The following PLCB1 variants were observed in gnomAD, a reference collection of about 807,000 sequenced individuals.
PLCB1 encodes 1-phosphatidylinositol 4,5-bisphosphate phosphodiesterase beta-1.
A neutral mutation model predicts 161.8 loss-of-function variants in PLCB1; 46 were observed. The ratio of observed to expected loss-of-function variants is 0.28; its 90% CI spans 0.22 to 0.36. The LOEUF (loss-of-function observed/expected upper bound fraction) is 0.36. Ranked by LOEUF, PLCB1 falls within the 10% of genes least tolerant of loss-of-function variation. The pLI is 1.00. For missense variants in PLCB1, 1,016 were observed against 1,472.5 expected (o/e 0.69, Z 5.07); for synonymous variants, 517 against 503.7 (o/e 1.03, Z -0.35).
In PLCB1 at chr20:8,882,129, C is replaced by T. The variant is rs1488474829; in HGVS notation, c.*280C>T. ...ATTCAAAGCAAGCAACTTGCAGGCT[C>T]CATGGAACTTTTAATGAAGGACAGT... On this transcript the variant is annotated 3_prime_UTR_variant, in exon 32 of 32. Transcript: ENST00000338037. The T allele has an allele frequency of 2.0e-5, 7 of 347,800 alleles. No homozygotes were observed. The highest frequency in any genetic ancestry group is 3.2e-5 in the Non-Finnish European group (6 of 190,406). The allele number at this position is 347,800 out of a possible 1,614,324, so 21.5% of individuals were successfully genotyped here. A position where few individuals can be genotyped will look rare whatever the true frequency, so the allele number is the denominator to read the frequency against.
intron 2 of PLCB1, among the ~76,000 whole-genome samples, chr20:8,269,541 C>T (rs181090793): frequency 1.5e-3 from 232 of 152,142 alleles, no homozygotes; most frequent in African/African-American, 4.9e-3. Flanking sequence ...TTTAGAAACC[C>T]GATGCAACTA....
chr20:8,502,204 C>A (rs1249527872), intron 3 of PLCB1, among the ~76,000 whole-genome samples: 1 of 151,892 alleles, frequency 6.6e-6, no homozygotes, highest in African/African-American at 2.4e-5. Context: ...TGGGACAGCT[C>A]TAAATACAGT....
intron 2 of PLCB1, among the ~76,000 whole-genome samples, chr20:8,265,024 A>C (rs1352535752): frequency 6.6e-6 from 1 of 152,158 alleles, no homozygotes; most frequent in Non-Finnish European, 1.5e-5. Flanking sequence ...CCTCAAAAGG[A>C]AATTACTCGT....
intron 3 of PLCB1, among the ~76,000 whole-genome samples, chr20:8,544,959 G>C (rs1042219057): frequency 6.6e-6 from 1 of 152,092 alleles, no homozygotes; most frequent in African/African-American, 2.4e-5. Flanking sequence ...ATTTTTTTGA[G>C]CATCTGCTAC....
intron 2 of PLCB1, among the ~76,000 whole-genome samples, chr20:8,196,563 T>C (rs2052025698): frequency 6.6e-6 from 1 of 151,788 alleles, no homozygotes; most frequent in South Asian, 2.1e-4. Context: ...TGTGCTGCAG[T>C]GCGTTTATAG....
chr20:8,854,983 TA>T (rs1987021577), intron 31 of PLCB1, among the ~76,000 whole-genome samples: 1 of 152,234 alleles, frequency 6.6e-6, no homozygotes, highest in Admixed American at 6.5e-5. Context: ...AGGAAAAGTT[TA>T]AATAACATAA....
intron 3 of PLCB1, among the ~76,000 whole-genome samples, chr20:8,463,746 T>A (rs1354866527): frequency 3.3e-5 from 5 of 152,202 alleles, no homozygotes; most frequent in Non-Finnish European, 7.4e-5. Flanking sequence ...TCAAAATCTT[T>A]ATGATTCTCT....
intron 2 of PLCB1, among the ~76,000 whole-genome samples, chr20:8,237,139 A>G (rs1197494097): frequency 6.6e-6 from 1 of 152,090 alleles, no homozygotes; most frequent in Non-Finnish European, 1.5e-5. Context: ...GGAAATTATA[A>G]TGAAAGTAGG....
chr20:8,510,114 G>A (rs1983818467), intron 3 of PLCB1, among the ~76,000 whole-genome samples: 1 of 152,124 alleles, frequency 6.6e-6, no homozygotes, highest in African/African-American at 2.4e-5. Flanking sequence ...GGGACAAAAA[G>A]CCTGAGAAGA....
At chr20:8,640,374 A>T (rs1403111432) in intron 4 of PLCB1, among the ~76,000 whole-genome samples, 1 of 152,144 alleles carries the variant, frequency 6.6e-6, no homozygotes, top group African/African-American at 2.4e-5. Flanking sequence ...TTCTTTTAAA[A>T]TCCTTTTTTA....
intron 2 of PLCB1, among the ~76,000 whole-genome samples, chr20:8,226,909 G>T (rs560360744): frequency 3.3e-5 from 5 of 152,134 alleles, no homozygotes; most frequent in Admixed American, 6.5e-5. Flanking sequence ...GGCTGGTCTT[G>T]AACTCCTGAC....
At chr20:8,429,109 A>AC (rs1979920793) in intron 3 of PLCB1, among the ~76,000 whole-genome samples, 1 of 152,026 alleles carries the variant, frequency 6.6e-6, no homozygotes, top group South Asian at 2.1e-4. Context: ...CTTGTATCTT[A>AC]CCCTCTTCTG....
At chr20:8,169,740 T>C (rs1336581773) in intron 2 of PLCB1, among the ~76,000 whole-genome samples, 2 of 152,186 alleles carry the variant, frequency 1.3e-5, no homozygotes, top group Admixed American at 6.5e-5. Flanking sequence ...CAGTTTTCGA[T>C]GCCTGAATTC....
At chr20:8,515,137 G>A (rs60271874) in intron 3 of PLCB1, among the ~76,000 whole-genome samples, 12,996 of 152,196 alleles carry the variant, frequency 0.085, 616 homozygotes, top group Middle Eastern at 0.11. Flanking sequence ...ATTGCTGTAT[G>A]GAAAGTGTCT....
rs190338959 is a variant in PLCB1, at chr20:8,866,586, C to A, written c.3424-15036C>A. 8.6e-4 allele frequency among the ~76,000 whole-genome samples: 131 copies of A among 152,234 alleles called. No individual in the cohort carries two copies. The South Asian group carries it at 9.8e-3, about 11-fold the overall frequency. ...AGATTTCTGGATTCTTTTGAAAAAT[C>A]AAAAGAATAATCTAGTTAGTAGAAC... On this transcript the variant is annotated intron_variant, in intron 31 of 31. Transcript: ENST00000338037.
intron 2 of PLCB1, among the ~76,000 whole-genome samples, chr20:8,313,701 G>A (rs1228368528): frequency 6.6e-6 from 1 of 152,100 alleles, no homozygotes; most frequent in Non-Finnish European, 1.5e-5. Context: ...TTTTCTCTCT[G>A]TTTTCTTTCC....
chr20:8,258,803 T>C (rs959163848), intron 2 of PLCB1, among the ~76,000 whole-genome samples: 21 of 152,198 alleles, frequency 1.4e-4, no homozygotes, highest in Non-Finnish European at 1.5e-5. Flanking sequence ...TTTCTGTTTT[T>C]AAAATTTAAG....
intron 31 of PLCB1, among the ~76,000 whole-genome samples, chr20:8,812,640 A>T (rs1047111245): frequency 6.6e-6 from 1 of 152,246 alleles, no homozygotes; most frequent in Non-Finnish European, 1.5e-5. Flanking sequence ...TGCAGAGAGC[A>T]GCCTGGCAGG....
In PLCB1 at chr20:8,770,574, C is replaced by T. The variant is rs970100943; in HGVS notation, c.2931-3965C>T. Among the ~76,000 whole-genome samples the T allele has an allele frequency of 2.0e-5, 3 of 152,266 alleles. 1 individual carries two copies. Among genetic ancestry groups the T allele is most frequent in the Middle Eastern group, 6.8e-3 (2 of 294 alleles). On this transcript the variant is annotated intron_variant, in intron 26 of 31. Coordinates refer to ENST00000338037, the MANE Select transcript of PLCB1 (RefSeq NM_015192.4). Reference sequence around the variant, plus strand: ...GTGTTCAGAGCAGTTTGTTTTTATACATTCTAGGGAGACATGAGACATCAC... The same window carrying T: ...GTGTTCAGAGCAGTTTGTTTTTATATATTCTAGGGAGACATGAGACATCAC...
Sources: gnomAD v4.1 joint callset for allele counts (sites outside exome capture counted in the v4.1 genomes callset) on GRCh38, gnomAD v4.1.1 for gene constraint, MANE v1.5 for transcripts, NCBI Gene and HGNC (gene_info 2026-07-23, HGNC 2026-07-21) for gene names.